Variants in KCNQ3 observed in about 807,000 individuals in gnomAD.
The protein encoded by KCNQ3 is potassium voltage-gated channel subfamily Q member 3, also known as potassium voltage-gated channel subfamily KQT member 3.
In KCNQ3, 30 loss-of-function variants were observed where a neutral mutation model predicts 92.5. The ratio of observed to expected loss-of-function variants is 0.32; its 90% confidence interval spans 0.24 to 0.44. KCNQ3 has a LOEUF of 0.44. Among genes scored for constraint, KCNQ3 ranks in the 20% least tolerant of loss-of-function variants. The pLI is 1.00. For synonymous variants in KCNQ3, 450 were observed against 468.8 expected, an observed-to-expected ratio of 0.96 and a Z score of 0.52; for missense variants, 913 against 1,140.3, an observed-to-expected ratio of 0.80 and a Z score of 2.87.
At chr8:132,276,518 C>A (rs534881754) in intron 1 of KCNQ3, among the ~76,000 whole-genome samples, 1 of 152,272 alleles carries the variant, frequency 6.6e-6, no homozygotes, top group East Asian at 1.9e-4. Context: ...AGCTCATTAC[C>A]TGCCCCCACC....
intron 1 of KCNQ3, among the ~76,000 whole-genome samples, chr8:132,323,195 C>T (rs1817945625): frequency 6.6e-6 from 1 of 152,110 alleles, no homozygotes; most frequent in Admixed American, 6.5e-5. Context: ...TCCTCCAAGG[C>T]CAAATCTTGA....
chr8:132,443,626 T>C (rs1439469871), intron 1 of KCNQ3, among the ~76,000 whole-genome samples: 1 of 152,226 alleles, frequency 6.6e-6, no homozygotes, highest in Non-Finnish European at 1.5e-5. Context: ...AAGGCTGATT[T>C]GGATGCTTAT....
At position 132,271,364 on chromosome 8, in the gene KCNQ3, A is replaced by G. The variant is rs538827636; in HGVS notation, c.387-85183T>C. Among the ~76,000 whole-genome samples, 12 of 152,372 alleles carry G rather than the reference A, an allele frequency of 7.9e-5. No individual in the cohort carries two copies. In the East Asian group the frequency reaches 2.1e-3, roughly 27 times the overall value. On this transcript the variant is annotated intron_variant, in intron 1 of 14. Transcript: ENST00000388996. ...CAAAATGAAAGCTGCCATATATTAC[A>G]TTGGTCAGTGCCAAGAAAAAGATGG...
intron 1 of KCNQ3, among the ~76,000 whole-genome samples, chr8:132,267,290 T>A (rs1253802264): frequency 1.3e-5 from 2 of 152,184 alleles, no homozygotes; most frequent in African/African-American, 2.4e-5. Flanking sequence ...TCAGGCATAA[T>A]CCTTCCTCCT....
chr8:132,272,760 C>T (rs1586884673), intron 1 of KCNQ3, among the ~76,000 whole-genome samples: 1 of 152,152 alleles, frequency 6.6e-6, no homozygotes. Flanking sequence ...CACTGGGTCC[C>T]TCCCATGACA....
intron 3 of KCNQ3, among the ~76,000 whole-genome samples, chr8:132,181,810 T>C (rs1189191349): frequency 6.6e-6 from 1 of 151,944 alleles, no homozygotes; most frequent in East Asian, 1.9e-4. Context: ...TCCCAGCACT[T>C]TGGGAGGCCG....
chr8:132,365,974 T>C (rs1205549247), intron 1 of KCNQ3, among the ~76,000 whole-genome samples: 4 of 152,130 alleles, frequency 2.6e-5, no homozygotes, highest in African/African-American at 4.8e-5. Context: ...GAAGTTACAG[T>C]GAGCCAAAAT....
chr8:132,167,190 C>T (rs1826168076), intron 8 of KCNQ3, among the ~76,000 whole-genome samples: 1 of 152,118 alleles, frequency 6.6e-6, no homozygotes, highest in African/African-American at 2.4e-5. Context: ...GACAATATAT[C>T]ATATGATTTC....
chr8:132,354,418 T>A (rs1586951407), intron 1 of KCNQ3, among the ~76,000 whole-genome samples: 1 of 152,144 alleles, frequency 6.6e-6, no homozygotes, highest in Admixed American at 6.5e-5. Context: ...AATTAGAAAT[T>A]GGCTTGGTAA....
intron 1 of KCNQ3, among the ~76,000 whole-genome samples, chr8:132,396,708 T>A (rs1240962307): frequency 6.6e-6 from 1 of 152,154 alleles, no homozygotes; most frequent in Non-Finnish European, 1.5e-5. Context: ...GGGACTGCTC[T>A]GAAGGGATTC....
intron 1 of KCNQ3, among the ~76,000 whole-genome samples, chr8:132,330,497 G>A (rs948984067): frequency 1.2e-4 from 19 of 152,078 alleles, no homozygotes; most frequent in African/African-American, 3.6e-4. Flanking sequence ...CCTTCCTCTC[G>A]ACACCAGCCC....
chr8:132,149,755 T>C (rs1295925460), intron 9 of KCNQ3, among the ~76,000 whole-genome samples: 1 of 152,160 alleles, frequency 6.6e-6, no homozygotes, highest in Non-Finnish European at 1.5e-5. Flanking sequence ...TGCATGGCTG[T>C]AGTGTGTGCC....
intron 1 of KCNQ3, among the ~76,000 whole-genome samples, chr8:132,381,901 C>A (rs1233256268): frequency 6.6e-6 from 1 of 152,202 alleles, no homozygotes. Context: ...CAGAAATGAA[C>A]AGGAAACATC....
chr8:132,198,165 G>A (rs1027575438), intron 1 of KCNQ3, among the ~76,000 whole-genome samples: 2 of 152,206 alleles, frequency 1.3e-5, no homozygotes, highest in Non-Finnish European at 2.9e-5. Context: ...AGAAGCCCGT[G>A]TAGTATAGAA....
chr8:132,240,004 T>A (rs571492140), intron 1 of KCNQ3, among the ~76,000 whole-genome samples: 1 of 152,164 alleles, frequency 6.6e-6, no homozygotes, highest in Non-Finnish European at 1.5e-5. Context: ...CTACCTATTT[T>A]ATTACCCTGG....
In KCNQ3 at chr8:132,303,188, A is replaced by G. The variant is rs146738871; in HGVS notation, c.387-117007T>C. Among the ~76,000 whole-genome samples the G allele has an allele frequency of 2.2e-3, 330 of 152,270 alleles. 1 individual carries two copies. Among genetic ancestry groups the G allele is most frequent in the African/African-American group, 7.4e-3 (307 of 41,568 alleles). On this transcript the variant is annotated intron_variant, in intron 1 of 14. Transcript: ENST00000388996. ...GGCAATGAAGGAGATTGGCACCAAC[A>G]GGCCCATGCTACAGCATTACTATTT...
intron 1 of KCNQ3, among the ~76,000 whole-genome samples, chr8:132,244,471 G>C (rs950484325): frequency 1.3e-5 from 2 of 152,052 alleles, no homozygotes; most frequent in South Asian, 2.1e-4. Context: ...GTAGATGATA[G>C]AGAGGTGTTA....
intron 1 of KCNQ3, among the ~76,000 whole-genome samples, chr8:132,236,613 A>C (rs1478859361): frequency 6.6e-6 from 1 of 152,150 alleles, no homozygotes; most frequent in Non-Finnish European, 1.5e-5. Context: ...CAGAATTCTA[A>C]GGTGGACCCC....
intron 1 of KCNQ3, among the ~76,000 whole-genome samples, chr8:132,371,111 C>T (rs1454045140): frequency 6.6e-6 from 1 of 152,192 alleles, no homozygotes; most frequent in Non-Finnish European, 1.5e-5. Flanking sequence ...CTCCCAGGCA[C>T]AAAAAGATTG....
Sources: allele counts gnomAD v4.1 joint callset (sites outside exome capture counted in the v4.1 genomes callset), GRCh38; gene constraint gnomAD v4.1.1; transcripts MANE v1.5; gene names NCBI Gene and HGNC (gene_info 2026-07-23, HGNC 2026-07-21).